Variants in EPDR1 observed in about 807,000 individuals in gnomAD.
EPDR1 encodes the protein mammalian ependymin-related protein 1.
A neutral mutation model predicts 23.7 loss-of-function variants in EPDR1; 27 were observed. That is an observed-to-expected ratio of 1.14 (90% CI 0.84 to 1.57). The LOEUF (loss-of-function observed/expected upper bound fraction) is 1.57, where lower values mean the gene tolerates loss of function less well. Ranked by LOEUF, EPDR1 falls within the 40% of genes most tolerant of loss-of-function variation. The pLI, the probability that EPDR1 is intolerant of heterozygous loss-of-function variation, is 0.00. For synonymous variants in EPDR1, 137 were observed against 118.2 expected, an observed-to-expected ratio of 1.16 and a Z score of -1.03; for missense variants, 349 against 290.4, an observed-to-expected ratio of 1.20 and a Z score of -1.47.
chr7:37,948,471 G>A (rs750128622), intron 1 of EPDR1, among the ~76,000 whole-genome samples: 3 of 151,742 alleles, frequency 2.0e-5, no homozygotes, highest in Non-Finnish European at 4.4e-5. Flanking sequence ...AACCTCCCAA[G>A]TAGCTGGGAC....
chr7:37,944,316 T>C (rs1369577162), intron 1 of EPDR1, among the ~76,000 whole-genome samples: 1 of 152,208 alleles, frequency 6.6e-6, no homozygotes, highest in Non-Finnish European at 1.5e-5. Context: ...TCCAGCCACA[T>C]AAGAGGCTGA....
chr7:37,924,952 T>G (rs1785786359), intron 1 of EPDR1, among the ~76,000 whole-genome samples: 1 of 152,190 alleles, frequency 6.6e-6, no homozygotes, highest in African/African-American at 2.4e-5. Flanking sequence ...TCCAGATAGT[T>G]ATGGAAAATC....
intron 1 of EPDR1, chr7:37,921,536 A>G: frequency 7.8e-7 from 1 of 1,288,748 alleles, no homozygotes; most frequent in Non-Finnish European, 9.8e-7. Flanking sequence ...CTGCTGAGTC[A>G]GGCTCTGGGC....
intron 1 of EPDR1, among the ~76,000 whole-genome samples, chr7:37,942,829 G>A (rs1786196337): frequency 6.6e-6 from 1 of 152,154 alleles, no homozygotes; most frequent in Non-Finnish European, 1.5e-5. Flanking sequence ...CAGATTTTCG[G>A]TGTTTCAGAA....
chr7:37,947,462 A>G (rs1324256619), intron 1 of EPDR1, among the ~76,000 whole-genome samples: 1 of 152,252 alleles, frequency 6.6e-6, no homozygotes, highest in African/African-American at 2.4e-5. Flanking sequence ...TGTTTTGACT[A>G]TAAAGACAGT....
At chr7:37,933,134 A>G (rs1170056972) in intron 1 of EPDR1, among the ~76,000 whole-genome samples, 4 of 152,350 alleles carry the variant, frequency 2.6e-5, no homozygotes, top group South Asian at 4.1e-4. Context: ...TCTCATAATC[A>G]TTGCAGGGTG....
chr7:37,927,729 G>T (rs1045813551), intron 1 of EPDR1, among the ~76,000 whole-genome samples: 2 of 152,156 alleles, frequency 1.3e-5, no homozygotes, highest in Admixed American at 6.5e-5. Context: ...CATGAATCTT[G>T]TCTTGCATGG....
At chr7:37,931,422 G>A (rs1395262597) in intron 1 of EPDR1, among the ~76,000 whole-genome samples, 1 of 152,056 alleles carries the variant, frequency 6.6e-6, no homozygotes, top group Non-Finnish European at 1.5e-5. Context: ...GCTGAGGCAG[G>A]AGAATTGCTG....
intron 1 of EPDR1, among the ~76,000 whole-genome samples, chr7:37,930,390 G>A (rs549014717): frequency 6.6e-6 from 1 of 152,352 alleles, no homozygotes; most frequent in East Asian, 1.9e-4. Flanking sequence ...TAACTTATGA[G>A]GAGTATCTGA....
intron 1 of EPDR1, among the ~76,000 whole-genome samples, chr7:37,934,467 A>C (rs1289500395): frequency 6.6e-6 from 1 of 150,902 alleles, no homozygotes; most frequent in Non-Finnish European, 1.5e-5. Flanking sequence ...TTTTCCTTTG[A>C]GAAAAAGGAG....
Position 37,921,556 on chromosome 7 carries a change from C to T in EPDR1, c.269+348C>T, listed in dbSNP as rs568192520. ...GAGTCAGGCTCTGGGCTCATGGAGC[C>T]CCCTGCAGTCTAGGGCGTGTCTTCT... On this transcript the variant is annotated intron_variant, in intron 1 of 2. Coordinates refer to ENST00000199448, the MANE Select transcript of EPDR1 (RefSeq NM_017549.5). 1.1e-4 allele frequency: 137 copies of T among 1,211,394 alleles called. No homozygotes were observed. The African/African-American group carries it at 1.9e-3, about 17-fold the overall frequency. 75.0% of individuals were successfully genotyped at this position (1,211,394 alleles called of 1,614,324 possible).
intron 1 of EPDR1, among the ~76,000 whole-genome samples, chr7:37,927,057 T>A (rs1383984938): frequency 2.6e-5 from 4 of 152,184 alleles, no homozygotes; most frequent in Non-Finnish European, 5.9e-5. Context: ...TATTTCAAGA[T>A]CATCTATACT....
chr7:37,931,534 A>T (rs11763548), intron 1 of EPDR1, among the ~76,000 whole-genome samples: 1 of 151,278 alleles, frequency 6.6e-6, no homozygotes, highest in East Asian at 1.9e-4. Context: ...AATAAAAAAA[A>T]TAAAAAAAAG....
chr7:37,930,282 G>T (rs1039431786), intron 1 of EPDR1, among the ~76,000 whole-genome samples: 5 of 152,228 alleles, frequency 3.3e-5, no homozygotes, highest in African/African-American at 1.2e-4. Flanking sequence ...GAGCATCTCA[G>T]AAGCCACCAG....
At chr7:37,928,872 G>T (rs765460641) in intron 1 of EPDR1, among the ~76,000 whole-genome samples, 1 of 151,982 alleles carries the variant, frequency 6.6e-6, no homozygotes, top group African/African-American at 2.4e-5. Context: ...ATTATGTCTC[G>T]GCTGGATGTT....
At chr7:37,936,241 A>C (rs1396252077) in intron 1 of EPDR1, among the ~76,000 whole-genome samples, 2 of 151,828 alleles carry the variant, frequency 1.3e-5, no homozygotes, top group Non-Finnish European at 2.9e-5. Context: ...CTATAAAATA[A>C]TCATGTGATT....
At chr7:37,926,561 G>A in intron 1 of EPDR1, 1 of 350,406 alleles carries the variant, frequency 2.9e-6, no homozygotes, top group Middle Eastern at 4.8e-4. Flanking sequence ...GTCTGGAATA[G>A]TTCCTAAGTC....
intron 1 of EPDR1, among the ~76,000 whole-genome samples, chr7:37,940,788 G>T (rs1320536754): frequency 7.1e-6 from 1 of 141,138 alleles, no homozygotes; most frequent in Non-Finnish European, 1.6e-5. Context: ...ATATCTATAT[G>T]AATTCGAGTT....
At position 37,950,486 on chromosome 7, in the gene EPDR1, T is replaced by TA. The variant is rs1305794535; in HGVS notation, c.*92dup. On this transcript the variant is annotated 3_prime_UTR_variant, in exon 3 of 3. Transcript: ENST00000199448. ...ATGAGACTAGTCAAGATGTGAATGC[T>TA]AATTGGAGAGAAATATAATTTTAGG... is the stretch of plus-strand genomic sequence containing the variant. 8.7e-7 allele frequency: 1 copy of TA among 1,153,660 alleles called. No homozygotes were observed. The highest frequency in any genetic ancestry group is 1.2e-6 in the Non-Finnish European group (1 of 829,016). The allele number at this position is 1,153,660 out of a possible 1,614,324, so 71.5% of individuals were successfully genotyped here. A position where few individuals can be genotyped will look rare whatever the true frequency, so the allele number is the denominator to read the frequency against.
Sources: gnomAD v4.1 joint callset for allele counts (sites outside exome capture counted in the v4.1 genomes callset) on GRCh38, gnomAD v4.1.1 for gene constraint, MANE v1.5 for transcripts, NCBI Gene and HGNC (gene_info 2026-07-23, HGNC 2026-07-21) for gene names.